Variants in PPP2R1A observed in about 807,000 individuals in gnomAD.
The protein encoded by PPP2R1A is serine/threonine-protein phosphatase 2A 65 kDa regulatory subunit A alpha isoform.
In PPP2R1A, 15 loss-of-function variants were observed where a neutral mutation model predicts 67.1. The ratio of observed to expected loss-of-function variants is 0.22; its 90% CI spans 0.15 to 0.34. The LOEUF is 0.34. PPP2R1A is among the 10% of genes least tolerant of loss of function. The pLI is 1.00. For missense variants in PPP2R1A, 369 were observed against 775.0 expected (o/e 0.48, Z 6.22); for synonymous variants, 337 against 325.0 (o/e 1.04, Z -0.40).
At chr19:52,200,710 G>A (rs1371345886) in intron 1 of PPP2R1A, among the ~76,000 whole-genome samples, 3 of 152,188 alleles carry the variant, frequency 2.0e-5, no homozygotes, top group African/African-American at 7.2e-5. Context: ...ATGCCTCTCT[G>A]GAAGTTAGGA....
rs2089598411 is a variant in PPP2R1A at position 52,206,054 on chromosome 19, C to T, written c.261C>T (p.His87=). Residue 87 remains histidine, a synonymous_variant, in exon 3 of 15, where the codon CAC becomes CAT. Transcript: ENST00000322088. ...TGGTGGGAGGCCCAGAGTACGTGCA[C>T]TGCCTGCTGGTGAGTGGAAGGCAGG... The part of the protein sequence containing the change: ...TTLVGGPEYV[H]CLLPPLESLA... The T allele has an allele frequency of 1.2e-6, 2 of 1,613,868 alleles. No individual in the cohort carries two copies. Among genetic ancestry groups the T allele is most frequent in the Admixed American group, 1.7e-5 (1 of 59,992 alleles).
At position 52,190,171 on chromosome 19, in the gene PPP2R1A, T is replaced by C; in HGVS notation, c.75T>C (p.Val25=). 6.4e-7 allele frequency: 1 copy of C among 1,550,796 alleles called. No homozygotes were observed. The highest frequency in any genetic ancestry group is 8.7e-7 in the Non-Finnish European group (1 of 1,146,664). The part of the protein sequence containing the change: ...VLIDELRNED[V]QLRLNSIKKL... ...TAGACGAACTCCGCAATGAGGACGT[T>C]CAGGTCCGGAGGCTACGGGGGACTT... Residue 25 remains valine, a synonymous_variant, in exon 1 of 15, where the codon GTT becomes GTC. Coordinates refer to ENST00000322088, the MANE Select transcript of PPP2R1A (RefSeq NM_014225.6).
At chr19:52,200,766 G>GC (rs2089539136) in intron 1 of PPP2R1A, among the ~76,000 whole-genome samples, 1 of 152,170 alleles carries the variant, frequency 6.6e-6, no homozygotes, top group Non-Finnish European at 1.5e-5. Flanking sequence ...GCTTGTGGAT[G>GC]CATCTCCTGG....
chr19:52,225,742 A>G lies in PPP2R1A; in HGVS notation c.1687A>G (p.Ile563Val). 2 of 1,614,098 alleles carry G rather than the reference A, an allele frequency of 1.2e-6. No homozygotes were observed. The highest frequency in any genetic ancestry group is 1.7e-6 in the Non-Finnish European group (2 of 1,180,018). ...NSTLQSEVKP[I>V]LEKLTQDQDV... ...CACCTTGCAGAGTGAAGTCAAGCCCATCCTAGAGAAGCTGACCCAGGACCA... is the reference window on the plus strand; with the variant it reads ...CACCTTGCAGAGTGAAGTCAAGCCCGTCCTAGAGAAGCTGACCCAGGACCA... Residue 563 changes from isoleucine to valine, a missense_variant, in exon 14 of 15, where the codon ATC becomes GTC. Physicochemically the swap from Ile to Val is conservative, Grantham distance 29 (BLOSUM62 3). Around this residue, in one of 2 missense-constraint regions of PPP2R1A, gnomAD observed 276 missense variants for 508.4 expected, o/e 0.54. Transcript: ENST00000322088.
intron 1 of PPP2R1A, among the ~76,000 whole-genome samples, chr19:52,190,670 C>T (rs912318028): frequency 2.6e-5 from 4 of 152,194 alleles, no homozygotes; most frequent in South Asian, 2.1e-4. Context: ...AATTCCTGCT[C>T]TTCCTCCGCC....
chr19:52,215,754 TC>T (rs747775594), intron 6 of PPP2R1A, 24 bp from the exon 7 acceptor site: 1 of 1,595,410 alleles, frequency 6.3e-7, no homozygotes, highest in South Asian at 1.1e-5. Flanking sequence ...CCTCTCACTC[TC>T]CCCCTCCTCC....
chr19:52,191,799 CCAGATGTGAAACAGGT>C (rs1484452384), intron 1 of PPP2R1A, among the ~76,000 whole-genome samples: 2 of 152,076 alleles, frequency 1.3e-5, no homozygotes, highest in Non-Finnish European at 1.5e-5. Context: ...TATACAGGAT[CCAGATGTGAAACAGGT>C]CAGCAGAGCT....
At chr19:52,197,511 C>T (rs1200869309) in intron 1 of PPP2R1A, among the ~76,000 whole-genome samples, 2 of 152,030 alleles carry the variant, frequency 1.3e-5, no homozygotes, top group Non-Finnish European at 2.9e-5. Context: ...CTCATCCCTA[C>T]AAAAAGTTAA....
chr19:52,195,444 C>T (rs79153738), intron 1 of PPP2R1A, among the ~76,000 whole-genome samples: 1 of 152,324 alleles, frequency 6.6e-6, no homozygotes, highest in African/African-American at 2.4e-5. Context: ...GCATTCAGTT[C>T]TGCAGCACAC....
At chr19:52,202,348 G>T (rs1219807752) in intron 2 of PPP2R1A, among the ~76,000 whole-genome samples, 1 of 152,196 alleles carries the variant, frequency 6.6e-6, no homozygotes, top group Admixed American at 6.5e-5. Flanking sequence ...TGTAGATTGG[G>T]ATAATCATCC....
At chr19:52,208,890 C>T (rs540848521) in intron 3 of PPP2R1A, among the ~76,000 whole-genome samples, 12 of 152,220 alleles carry the variant, frequency 7.9e-5, no homozygotes, top group Admixed American at 1.3e-4. Flanking sequence ...GGATTTTAGG[C>T]GGTTCACACT....
At chr19:52,195,775 A>T (rs1320160942) in intron 1 of PPP2R1A, among the ~76,000 whole-genome samples, 1 of 152,286 alleles carries the variant, frequency 6.6e-6, no homozygotes, top group Admixed American at 6.5e-5. Context: ...TGGAGCTTCC[A>T]TGCCCTTCTT....
rs1978600570 is a variant in PPP2R1A at position 52,216,786 on chromosome 19, G to C, written c.1128+123G>C. ...TATCTCAACAGACATCCAGATCTTTGCTGAGTTGCATGTTTGTGGGCATAG... is the reference window on the plus strand; with the variant it reads ...TATCTCAACAGACATCCAGATCTTTCCTGAGTTGCATGTTTGTGGGCATAG... On this transcript the variant is annotated intron_variant, in intron 9 of 14. Transcript: ENST00000322088. This position sits in a 1 kb window ranked among gnomAD's most constrained non-coding sequence, Gnocchi z 4.3. 2.1e-6 allele frequency: 3 copies of C among 1,447,232 alleles called. No homozygotes were observed. The allele number at this position is 1,447,232 out of a possible 1,614,324, so 89.6% of individuals were successfully genotyped here.
Position 52,201,892 on chromosome 19 carries a change from G to A in PPP2R1A, c.79-52G>A, listed in dbSNP as rs377149298. On this transcript the variant is annotated intron_variant, in intron 1 of 14. Coordinates refer to ENST00000322088, the MANE Select transcript of PPP2R1A (RefSeq NM_014225.6). ...TGGGTTGAGAGCTGTCAGAACTCAC[G>A]CGTGTCTGGGATTTCTAACATTCTC... is the stretch of plus-strand genomic sequence containing the variant. 2.6e-6 allele frequency: 4 copies of A among 1,542,636 alleles called. No homozygotes were observed. The African/African-American group carries it at 4.1e-5, about 16-fold the overall frequency.
At chr19:52,191,387 A>C (rs1055797282) in intron 1 of PPP2R1A, 1 of 152,234 alleles carries the variant, frequency 6.6e-6, no homozygotes, top group Non-Finnish European at 1.5e-5. Flanking sequence ...GACACAAATA[A>C]AAAGTAGAAT....
intron 3 of PPP2R1A, 33 bp downstream of exon 3, chr19:52,206,096 C>T (rs200571931): frequency 6.3e-7 from 1 of 1,590,312 alleles, no homozygotes; most frequent in Non-Finnish European, 8.6e-7. Context: ...TCTTGCCCAC[C>T]CCTTAGGGTC....
intron 1 of PPP2R1A, among the ~76,000 whole-genome samples, chr19:52,199,382 G>T (rs984569816): frequency 6.6e-6 from 1 of 151,986 alleles, no homozygotes; most frequent in African/African-American, 2.4e-5. Flanking sequence ...TGTTAGCCAG[G>T]ATGGTCTCGA....
At chr19:52,203,179 G>T (rs541888252) in intron 2 of PPP2R1A, among the ~76,000 whole-genome samples, 1 of 152,274 alleles carries the variant, frequency 6.6e-6, no homozygotes, top group African/African-American at 2.4e-5. Flanking sequence ...TGGACAGATG[G>T]GGTATTGGAG....
At position 52,199,164 on chromosome 19, in the gene PPP2R1A, A is replaced by G. The variant is rs549769875; in HGVS notation, c.79-2780A>G. Among the ~76,000 whole-genome samples, 79 of 150,370 alleles carry G rather than the reference A, an allele frequency of 5.3e-4. 1 individual carries two copies. Among genetic ancestry groups the G allele is most frequent in the African/African-American group, 1.9e-3 (78 of 40,894 alleles). ...TCCCCACAGTATTTTATGTTATTTT[A>G]TTTTATTTATTTATTTATTTGAGAC... On this transcript the variant is annotated intron_variant, in intron 1 of 14. Transcript: ENST00000322088.
Sources: gnomAD v4.1 joint callset for allele counts (sites outside exome capture counted in the v4.1 genomes callset) on GRCh38, gnomAD v4.1.1 for gene constraint, gnomAD v4.1.1 regional missense constraint, Gnocchi (gnomAD v3.1) non-coding constraint, MANE v1.5 for transcripts, NCBI Gene and HGNC (gene_info 2026-07-23, HGNC 2026-07-21) for gene names.